PITPNM1: variants seen among roughly 807,000 people sequenced by gnomAD.
PITPNM1 encodes the protein phosphatidylinositol transfer protein membrane associated 1, also known as membrane-associated phosphatidylinositol transfer protein 1.
In PITPNM1, 74 loss-of-function variants were observed where a neutral mutation model predicts 133.3. The observed-to-expected ratio is 0.56, with a 90% CI of 0.46 to 0.67. PITPNM1 has a LOEUF of 0.67. Ranked by LOEUF, PITPNM1 falls within the 30% of genes least tolerant of loss-of-function variation. PITPNM1 has a pLI of 0.00. For missense variants in PITPNM1, 1,398 were observed against 1,739.5 expected (o/e 0.80, Z 3.49); for synonymous variants, 738 against 741.4 (o/e 1.00, Z 0.08).
chr11:67,498,061 GT>G lies in PITPNM1; in HGVS notation c.1675-38del, dbSNP rs959547017. 4 of 1,608,208 alleles carry G rather than the reference GT, an allele frequency of 2.5e-6. No homozygotes were observed. The African/African-American group carries it at 4.0e-5, about 16-fold the overall frequency. ...CAGGGGCACCATCAGGAGAGGCCTT[GT>G]CCTCACCCAGGCCAGACTACAGTGG... On this transcript the variant is annotated intron_variant, in intron 11 of 23. Coordinates refer to ENST00000356404, the MANE Select transcript of PITPNM1 (RefSeq NM_004910.3). The surrounding 1 kb of genome is among the most constrained non-coding windows in gnomAD (Gnocchi z 5.7).
Position 67,494,224 on chromosome 11 carries a change from C to T in PITPNM1, c.2859+20G>A. The T allele has an allele frequency of 6.2e-7, 1 of 1,606,190 alleles. No individual in the cohort carries two copies. Among genetic ancestry groups the T allele is most frequent in the Non-Finnish European group, 8.5e-7 (1 of 1,173,934 alleles). ...GAGATGGGGCCATGGGACCAGGCGA[C>T]AGGGCCTCTGGGTCCTGACCTTCTC... On this transcript the variant is annotated intron_variant, in intron 19 of 23. Coordinates refer to ENST00000356404, the MANE Select transcript of PITPNM1 (RefSeq NM_004910.3).
chr11:67,494,452 G>C (rs996097063), intron 18 of PITPNM1, 92 bp from the exon 19 acceptor site: 12 of 860,008 alleles, frequency 1.4e-5, no homozygotes, highest in Non-Finnish European at 2.1e-5. Context: ...GCAAACACCG[G>C]GGTGGGGGCC....
chr11:67,502,458 G>A lies in PITPNM1; in HGVS notation c.294-45C>T. ...GAGGCTCACTGCTGTACCCACCAGG[G>A]CCGCTCCCCTCCTGGCCTCGGACCA... On this transcript the variant is annotated intron_variant, in intron 3 of 23. Transcript: ENST00000356404. The surrounding 1 kb of genome is among the most constrained non-coding windows in gnomAD (Gnocchi z 5.9). 2 of 1,613,590 alleles carry A rather than the reference G, an allele frequency of 1.2e-6. No homozygotes were observed. The highest frequency in any genetic ancestry group is 1.7e-6 in the Non-Finnish European group (2 of 1,179,882).
chr11:67,493,860 T>A (rs1227345286), intron 20 of PITPNM1, 23 bp from the exon 21 acceptor site: 2 of 1,530,520 alleles, frequency 1.3e-6, no homozygotes, highest in Non-Finnish European at 8.8e-7. Flanking sequence ...GGGCGGGGCG[T>A]GAGTGGCGCG....
At position 67,491,833 on chromosome 11, in the gene PITPNM1, C is replaced by G. The variant is rs2134260584; in HGVS notation, c.*200G>C. On this transcript the variant is annotated 3_prime_UTR_variant, in exon 24 of 24. Coordinates refer to ENST00000356404, the MANE Select transcript of PITPNM1 (RefSeq NM_004910.3). ...CTGGAAAAGCCTCTGCGCCCATGCC[C>G]ACGCCCTCCTCCCTCCCCCCGGCGC... is the stretch of plus-strand genomic sequence containing the variant. 1 of 616,612 alleles carries G rather than the reference C, an allele frequency of 1.6e-6. No individual in the cohort carries two copies. The highest frequency in any genetic ancestry group is 1.8e-5 in the African/African-American group (1 of 54,122). The allele number at this position is 616,612 out of a possible 1,614,324, so 38.2% of individuals were successfully genotyped here.
chr11:67,499,025 G>A, intron 8 of PITPNM1, 24 bp from the exon 9 acceptor site: 1 of 1,595,846 alleles, frequency 6.3e-7, no homozygotes, highest in Non-Finnish European at 8.5e-7. Context: ...AAGCCAGTGA[G>A]AGGGACGGAG....
Position 67,502,820 on chromosome 11 carries a change from C to CAG in PITPNM1, c.79-104_79-103dup. ...CTACACAGCTCTGGGGCCCTGGTCC[C>CAG]AGCCTTTTCAACTCCCTGAAACCAG... On this transcript the variant is annotated intron_variant, in intron 2 of 23. Coordinates refer to ENST00000356404, the MANE Select transcript of PITPNM1 (RefSeq NM_004910.3). The surrounding 1 kb of genome is among the most constrained non-coding windows in gnomAD (Gnocchi z 5.9). 2 of 1,176,888 alleles carry CAG rather than the reference C, an allele frequency of 1.7e-6. No individual in the cohort carries two copies. The highest frequency in any genetic ancestry group is 1.5e-5 in the African/African-American group (1 of 65,868). 72.9% of individuals were successfully genotyped at this position (1,176,888 alleles called of 1,614,324 possible).
chr11:67,498,354 G>A lies in PITPNM1; in HGVS notation c.1485-32C>T. 1 of 1,509,458 alleles carries A rather than the reference G, an allele frequency of 6.6e-7. No individual in the cohort carries two copies. The allele number at this position is 1,509,458 out of a possible 1,614,324, so 93.5% of individuals were successfully genotyped here. ...GAGGGGGAAATGTGCGTGGGTGAGG[G>A]GCTTCCAGACCCACTCCTGCCATCC... On this transcript the variant is annotated intron_variant, in intron 10 of 23. Transcript: ENST00000356404. This position sits in a 1 kb window ranked among gnomAD's most constrained non-coding sequence, Gnocchi z 5.7.
chr11:67,502,760 C>T lies in PITPNM1; in HGVS notation c.79-42G>A, dbSNP rs1273221008. 1 of 1,583,280 alleles carries T rather than the reference C, an allele frequency of 6.3e-7. No homozygotes were observed. Among genetic ancestry groups the T allele is most frequent in the Non-Finnish European group, 8.7e-7 (1 of 1,155,432 alleles). On this transcript the variant is annotated intron_variant, in intron 2 of 23. Coordinates refer to ENST00000356404, the MANE Select transcript of PITPNM1 (RefSeq NM_004910.3). This position sits in a 1 kb window ranked among gnomAD's most constrained non-coding sequence, Gnocchi z 5.9. ...AGCAGGACAGGGAGCTCAGCCCCAG[C>T]TTAGCATCTGGGATCCCCAGCTCAG...
In PITPNM1 at chr11:67,491,909, T is replaced by C. The variant is rs555188933; in HGVS notation, c.*124A>G. ...TAACACCGAGGAGCACACGGAGATA[T>C]AGGGTGTGGGGCTGGGGGGGCCAGC... On this transcript the variant is annotated 3_prime_UTR_variant, in exon 24 of 24. Transcript: ENST00000356404. The C allele has an allele frequency of 5.1e-5, 53 of 1,044,858 alleles. No individual in the cohort carries two copies. The highest frequency in any genetic ancestry group is 3.1e-4 in the South Asian group (20 of 64,198). 64.7% of individuals were successfully genotyped at this position (1,044,858 alleles called of 1,614,324 possible). A position where few individuals can be genotyped will look rare whatever the true frequency, so the allele number is the denominator to read the frequency against.
At chr11:67,495,826 GC>G (rs1287484778) in intron 15 of PITPNM1, among the ~76,000 whole-genome samples, 1 of 152,224 alleles carries the variant, frequency 6.6e-6, no homozygotes, top group South Asian at 2.1e-4. Context: ...CCCAACACAG[GC>G]CCGCTTGGCC....
upstream of PITPNM1, among the ~76,000 whole-genome samples, chr11:67,505,577 C>A (rs1161365140): frequency 6.6e-6 from 1 of 152,214 alleles, no homozygotes; most frequent in East Asian, 1.9e-4. The surrounding 1 kb of genome is among the most constrained non-coding windows in gnomAD (Gnocchi z 5.8). Flanking sequence ...GATTGGGGTC[C>A]CCAAAGACTC....
intron 5 of PITPNM1, among the ~76,000 whole-genome samples, chr11:67,501,448 G>T (rs985586040): frequency 1.2e-4 from 18 of 152,190 alleles, no homozygotes; most frequent in African/African-American, 4.3e-4. Context: ...AGGGCCAAAG[G>T]CTGGAACACT....
chr11:67,496,046 G>A (rs1182121315), intron 15 of PITPNM1, 132 bp downstream of exon 15: 23 of 878,662 alleles, frequency 2.6e-5, no homozygotes, highest in Admixed American at 4.1e-5. Flanking sequence ...CAGGGGGAAG[G>A]AGCGCCTGGT....
Position 67,504,245 on chromosome 11 carries a change from G to A in PITPNM1, c.-41-24C>T. ...TCCTGGCGCAGGGCACGGCGCGACA[G>A]TCAGTGCGGGGAGGCTGCGCGCGGC... On this transcript the variant is annotated intron_variant, in intron 1 of 23. Coordinates refer to ENST00000356404, the MANE Select transcript of PITPNM1 (RefSeq NM_004910.3). The surrounding 1 kb of genome is among the most constrained non-coding windows in gnomAD (Gnocchi z 5.4). The A allele has an allele frequency of 4.0e-6, 5 of 1,247,030 alleles. No homozygotes were observed. The South Asian group carries it at 5.5e-5, about 14-fold the overall frequency. 77.2% of individuals were successfully genotyped at this position (1,247,030 alleles called of 1,614,324 possible). A position where few individuals can be genotyped will look rare whatever the true frequency, so the allele number is the denominator to read the frequency against.
At position 67,502,561 on chromosome 11, in the gene PITPNM1, T is replaced by G; in HGVS notation, c.236A>C (p.Lys79Thr). The G allele has an allele frequency of 6.2e-7, 1 of 1,613,716 alleles. No homozygotes were observed. The highest frequency in any genetic ancestry group is 8.5e-7 in the Non-Finnish European group (1 of 1,180,010). ...IPGWFRALLP[K>T]AALQVEEESW... is the part of the protein sequence containing the mutation. Reference sequence around the variant, plus strand: ...TTCCTCTTCTACCTGCAGGGCAGCCTTGGGCAGCAGTGCCCGGAACCAGCC... The same window carrying G: ...TTCCTCTTCTACCTGCAGGGCAGCCGTGGGCAGCAGTGCCCGGAACCAGCC... Residue 79 changes from lysine to threonine, a missense_variant, in exon 3 of 24, where the codon AAG becomes ACG. Around this residue, in one of 5 missense-constraint regions of PITPNM1, gnomAD observed 274 missense variants for 360.7 expected, o/e 0.76. Coordinates refer to ENST00000356404, the MANE Select transcript of PITPNM1 (RefSeq NM_004910.3). The surrounding 1 kb of genome is among the most constrained non-coding windows in gnomAD (Gnocchi z 5.9).
In PITPNM1 at chr11:67,495,381, G is replaced by A. The variant is rs142082068; in HGVS notation, c.2482+57C>T. 369 of 1,457,872 alleles carry A rather than the reference G, an allele frequency of 2.5e-4. 5 individuals carry two copies. The East Asian group carries it at 7.8e-3, about 31-fold the overall frequency. The allele number at this position is 1,457,872 out of a possible 1,614,324, so 90.3% of individuals were successfully genotyped here. A position where few individuals can be genotyped will look rare whatever the true frequency, so the allele number is the denominator to read the frequency against. On this transcript the variant is annotated intron_variant, in intron 16 of 23. Coordinates refer to ENST00000356404, the MANE Select transcript of PITPNM1 (RefSeq NM_004910.3). ...AAGGGTTTCTCAGCTGGGCTTCGGA[G>A]GTGGAATACGGGCCTCCCCCACCCC... is the stretch of plus-strand genomic sequence containing the variant.
chr11:67,502,536 T>C lies in PITPNM1; in HGVS notation c.261A>G (p.Glu87=). Residue 87 remains glutamate (E), a synonymous_variant, in exon 3 of 24, where the codon GAA becomes GAG. Transcript: ENST00000356404. This position sits in a 1 kb window ranked among gnomAD's most constrained non-coding sequence, Gnocchi z 5.9. ...GGGTGTAGGGGTAGGCATTCCAGGA[T>C]TCCTCTTCTACCTGCAGGGCAGCCT... The part of the protein sequence containing the change: ...LPKAALQVEE[E]SWNAYPYTRT... The C allele has an allele frequency of 6.2e-7, 1 of 1,613,776 alleles. No individual in the cohort carries two copies. The highest frequency in any genetic ancestry group is 8.5e-7 in the Non-Finnish European group (1 of 1,179,996).
In PITPNM1 at chr11:67,502,243, C is replaced by T. The variant is rs527904175; in HGVS notation, c.415+49G>A. The T allele has an allele frequency of 1.3e-6, 2 of 1,598,182 alleles. No homozygotes were observed. The highest frequency in any genetic ancestry group is 1.1e-5 in the South Asian group (1 of 90,352). On this transcript the variant is annotated intron_variant, in intron 4 of 23. Coordinates refer to ENST00000356404, the MANE Select transcript of PITPNM1 (RefSeq NM_004910.3). This position sits in a 1 kb window ranked among gnomAD's most constrained non-coding sequence, Gnocchi z 5.9. ...CTCAGAGGCTGCCCACTGAGGCAGC[C>T]AGGAGCCTGAGAGGGGCGCCAGGGT... is the stretch of plus-strand genomic sequence containing the variant.
Sources: allele counts gnomAD v4.1 joint callset (sites outside exome capture counted in the v4.1 genomes callset), GRCh38; gene constraint gnomAD v4.1.1; regional missense constraint gnomAD v4.1.1; non-coding constraint Gnocchi (gnomAD v3.1); transcripts MANE v1.5; gene names NCBI Gene and HGNC (gene_info 2026-07-23, HGNC 2026-07-21).